PRRX1: variants seen among roughly 807,000 people sequenced by gnomAD.
PRRX1 encodes paired mesoderm homeobox protein 1.
A neutral mutation model predicts 24.0 loss-of-function variants in PRRX1; 8 were observed. The observed-to-expected ratio is 0.33, with a 90% CI of 0.20 to 0.60. The LOEUF (loss-of-function observed/expected upper bound fraction) is 0.60, where lower values mean the gene tolerates loss of function less well. Ranked by LOEUF, PRRX1 falls within the 20% of genes least tolerant of loss-of-function variation. The pLI is 0.82. For synonymous variants in PRRX1, 160 were observed against 131.7 expected (o/e 1.22, Z -1.47); for missense variants, 281 against 322.4 (o/e 0.87, Z 0.98).
At chr1:170,702,137 A>T (rs1438741579) in intron 1 of PRRX1, among the ~76,000 whole-genome samples, 1 of 152,128 alleles carries the variant, frequency 6.6e-6, no homozygotes, top group Non-Finnish European at 1.5e-5. Flanking sequence ...TAGGGTTTCT[A>T]CTCGTATAAG....
At chr1:170,723,383 C>T (rs879388851) in intron 2 of PRRX1, among the ~76,000 whole-genome samples, 2 of 148,664 alleles carry the variant, frequency 1.3e-5, no homozygotes, top group Non-Finnish European at 2.9e-5. Flanking sequence ...ACTTAAAATA[C>T]TTGTTTTGTA....
intron 1 of PRRX1, among the ~76,000 whole-genome samples, chr1:170,694,550 A>C (rs1167138856): frequency 2.0e-5 from 3 of 152,174 alleles, no homozygotes; most frequent in Non-Finnish European, 4.4e-5. Flanking sequence ...CGGGTTGAGA[A>C]GTATGAGGGT....
intron 1 of PRRX1, among the ~76,000 whole-genome samples, chr1:170,713,833 C>A (rs769018700): frequency 2.6e-5 from 4 of 152,290 alleles, no homozygotes; most frequent in African/African-American, 9.6e-5. Context: ...ACAGTAAAGA[C>A]GACCATACAA....
At chr1:170,711,556 G>T (rs565778562) in intron 1 of PRRX1, among the ~76,000 whole-genome samples, 1 of 152,196 alleles carries the variant, frequency 6.6e-6, no homozygotes, top group South Asian at 2.1e-4. Context: ...GTGCTTACCA[G>T]ATTTTTCTTT....
intron 1 of PRRX1, among the ~76,000 whole-genome samples, chr1:170,715,723 A>C (rs966082476): frequency 1.3e-5 from 2 of 152,226 alleles, no homozygotes; most frequent in Non-Finnish European, 2.9e-5. Flanking sequence ...ATGCAAGAAC[A>C]TCTGGATCAA....
chr1:170,721,398 G>T (rs1189187046), intron 2 of PRRX1, among the ~76,000 whole-genome samples: 25 of 152,148 alleles, frequency 1.6e-4, no homozygotes, highest in Admixed American at 1.6e-3. Context: ...CCTCAGGGTA[G>T]ATTCCTAGCC....
chr1:170,705,935 TACACACACACACACACACACACAC>T (rs71125270), intron 1 of PRRX1, among the ~76,000 whole-genome samples: 7 of 146,426 alleles, frequency 4.8e-5, no homozygotes, highest in South Asian at 2.2e-4. Flanking sequence ...CACACACACA[TACACACACACACACACACACACAC>T]ACACACACAA....
intron 3 of PRRX1, chr1:170,727,630 CT>C (rs1324125947): frequency 6.6e-6 from 1 of 152,178 alleles, no homozygotes. Flanking sequence ...AAGTTTCTTT[CT>C]GTTCCAAATC....
intron 1 of PRRX1, among the ~76,000 whole-genome samples, chr1:170,677,572 A>C (rs747118587): frequency 1.3e-5 from 2 of 152,224 alleles, no homozygotes; most frequent in Non-Finnish European, 2.9e-5. Context: ...GAAATTAGGA[A>C]TATTTGCATA....
At chr1:170,717,526 G>A (rs1654943794) in intron 1 of PRRX1, among the ~76,000 whole-genome samples, 1 of 152,058 alleles carries the variant, frequency 6.6e-6, no homozygotes, top group Non-Finnish European at 1.5e-5. Flanking sequence ...CTTAATAGGG[G>A]ATTTTCTCTA....
chr1:170,721,245 A>T (rs774216718), intron 2 of PRRX1, among the ~76,000 whole-genome samples: 6 of 152,222 alleles, frequency 3.9e-5, no homozygotes, highest in Non-Finnish European at 7.3e-5. Flanking sequence ...CAGTAGCAAG[A>T]TGCTGTTTTG....
chr1:170,694,882 G>A (rs1654115050), intron 1 of PRRX1, among the ~76,000 whole-genome samples: 1 of 152,102 alleles, frequency 6.6e-6, no homozygotes. Flanking sequence ...TAAAATAACG[G>A]TAGACTTAAG....
intron 2 of PRRX1, among the ~76,000 whole-genome samples, chr1:170,720,743 A>G (rs1187094566): frequency 6.6e-6 from 1 of 152,204 alleles, no homozygotes; most frequent in African/African-American, 2.4e-5. Flanking sequence ...ATTTTCCTTC[A>G]GTGTCTCTGT....
At chr1:170,723,373 A>G (rs928443404) in intron 2 of PRRX1, among the ~76,000 whole-genome samples, 9 of 148,952 alleles carry the variant, frequency 6.0e-5, no homozygotes, top group Admixed American at 5.9e-4. Context: ...CTATAATTGC[A>G]CTTAAAATAC....
chr1:170,736,285 T>A lies in PRRX1; in HGVS notation c.*99T>A, dbSNP rs1423814340. On this transcript the variant is annotated 3_prime_UTR_variant, in exon 4 of 4. Transcript: ENST00000239461. The stretch of plus-strand genomic sequence containing the variant: ...TCATCTGCTGGGGGGAAAAAGTAAA[T>A]TACAAACAAACAAACAAAGCAGAAC... 1 of 1,492,138 alleles carries A rather than the reference T, an allele frequency of 6.7e-7. No homozygotes were observed. The highest frequency in any genetic ancestry group is 9.2e-7 in the Non-Finnish European group (1 of 1,085,492). The allele number at this position is 1,492,138 out of a possible 1,614,324, so 92.4% of individuals were successfully genotyped here.
At chr1:170,702,244 C>G (rs1429749885) in intron 1 of PRRX1, among the ~76,000 whole-genome samples, 1 of 152,228 alleles carries the variant, frequency 6.6e-6, no homozygotes, top group Non-Finnish European at 1.5e-5. Context: ...CTGTTCCTAT[C>G]AGGCCACGGA....
chr1:170,737,941 C>T lies in PRRX1; in HGVS notation c.*1755C>T, dbSNP rs539338272. 25 of 216,094 alleles carry T rather than the reference C, an allele frequency of 1.2e-4. No homozygotes were observed. The highest frequency in any genetic ancestry group is 5.6e-4 in the South Asian group (3 of 5,380). The allele number at this position is 216,094 out of a possible 1,614,324, so 13.4% of individuals were successfully genotyped here. The stretch of plus-strand genomic sequence containing the variant: ...AGTGTACAATGTTAATGGAATGATA[C>T]GGTACCTGAAAGCCTTGTTTTCTAG... On this transcript the variant is annotated 3_prime_UTR_variant, in exon 4 of 4. Coordinates refer to ENST00000239461, the MANE Select transcript of PRRX1 (RefSeq NM_022716.4).
At chr1:170,681,593 T>C (rs1365839568) in intron 1 of PRRX1, among the ~76,000 whole-genome samples, 1 of 150,980 alleles carries the variant, frequency 6.6e-6, no homozygotes, top group East Asian at 1.9e-4. Flanking sequence ...AATGAAGAAG[T>C]GAGTTGGAAG....
Position 170,726,358 on chromosome 1 carries a change from A to C in PRRX1, c.556A>C (p.Arg186=), listed in dbSNP as rs1311961199. ...EQPIVPRPAP[R]PTDYLSWGTA... is the part of the protein sequence containing the mutation. ...GCCCATCGTACCTCGTCCTGCTCCG[A>C]GACCCACCGATTATCTCTCCTGGGG... is the stretch of plus-strand genomic sequence containing the variant. The change falls in exon 3 of 4, where the codon AGA becomes CGA. Residue 186 remains arginine (R), a synonymous_variant. Coordinates refer to ENST00000239461, the MANE Select transcript of PRRX1 (RefSeq NM_022716.4). The C allele has an allele frequency of 1.9e-6, 3 of 1,614,120 alleles. No individual in the cohort carries two copies. The South Asian group carries it at 3.3e-5, about 18-fold the overall frequency.
Sources: gnomAD v4.1 joint callset for allele counts (sites outside exome capture counted in the v4.1 genomes callset) on GRCh38, gnomAD v4.1.1 for gene constraint, MANE v1.5 for transcripts, NCBI Gene and HGNC (gene_info 2026-07-23, HGNC 2026-07-21) for gene names.